Variants in RALGPS1 observed in about 807,000 individuals in gnomAD.
RALGPS1 encodes the protein ras-specific guanine nucleotide-releasing factor RalGPS1.
RALGPS1 carries 19 observed loss-of-function variants against 78.8 expected under a neutral mutation model. That is an observed-to-expected ratio of 0.24 (90% CI 0.17 to 0.35). The LOEUF (loss-of-function observed/expected upper bound fraction) is 0.35. Ranked by LOEUF, RALGPS1 falls within the 10% of genes least tolerant of loss-of-function variation. The pLI is 1.00. For synonymous variants in RALGPS1, 228 were observed against 256.3 expected (o/e 0.89, Z 1.06); for missense variants, 454 against 688.3 (o/e 0.66, Z 3.81).
At chr9:127,139,669 C>T (rs2138602806) in intron 8 of RALGPS1, among the ~76,000 whole-genome samples, 1 of 152,332 alleles carries the variant, frequency 6.6e-6, no homozygotes, top group Middle Eastern at 3.4e-3. Flanking sequence ...GCCCTCATCC[C>T]AGTCACCACC....
chr9:127,034,798 T>C (rs1026010553), intron 5 of RALGPS1, among the ~76,000 whole-genome samples: 3 of 152,206 alleles, frequency 2.0e-5, no homozygotes, highest in Non-Finnish European at 4.4e-5. Flanking sequence ...AGGTTCAGCA[T>C]GGTGGATCTC....
chr9:127,002,434 TTTTTTTTTTTTTTC>T (rs1463536271), intron 4 of RALGPS1, among the ~76,000 whole-genome samples: 1 of 9,472 alleles, frequency 1.1e-4, no homozygotes, highest in Non-Finnish European at 2.2e-4. Flanking sequence ...ACAAACATTC[TTTTTTTTTTTTTTC>T]TTTTTTTTTT....
intron 7 of RALGPS1, among the ~76,000 whole-genome samples, chr9:127,053,395 C>T (rs1589228144): frequency 6.6e-6 from 1 of 152,144 alleles, no homozygotes; most frequent in East Asian, 1.9e-4. Flanking sequence ...TTTCCTAAGG[C>T]CCTGGATAAT....
At chr9:127,180,544 A>C (rs1225576449) in intron 11 of RALGPS1, among the ~76,000 whole-genome samples, 1 of 152,242 alleles carries the variant, frequency 6.6e-6, no homozygotes. Context: ...ATCTTCATAC[A>C]GACATACTTC....
chr9:127,100,758 T>C (rs1038555127), intron 8 of RALGPS1, among the ~76,000 whole-genome samples: 2 of 152,206 alleles, frequency 1.3e-5, no homozygotes, highest in Non-Finnish European at 2.9e-5. Context: ...TCCACAGATA[T>C]GGACAGGTAG....
chr9:127,222,339 G>A lies in RALGPS1; in HGVS notation c.*3570G>A, dbSNP rs938885380. The A allele has an allele frequency of 2.6e-5, 4 of 152,216 alleles. No homozygotes were observed. Among genetic ancestry groups the A allele is most frequent in the African/African-American group, 4.8e-5 (2 of 41,438 alleles). 9.4% of individuals were successfully genotyped at this position (152,216 alleles called of 1,614,324 possible). A position where few individuals can be genotyped will look rare whatever the true frequency, so the allele number is the denominator to read the frequency against. On this transcript the variant is annotated 3_prime_UTR_variant, in exon 19 of 19. Transcript: ENST00000259351. Reference sequence around the variant, plus strand: ...AAAATTCAGTTGCAATGAGGATGAAGTCACTATCCTAGAGGCTGCTTGGCC... The same window carrying A: ...AAAATTCAGTTGCAATGAGGATGAAATCACTATCCTAGAGGCTGCTTGGCC...
intron 4 of RALGPS1, among the ~76,000 whole-genome samples, chr9:126,993,643 G>A (rs556998550): frequency 1.1e-3 from 172 of 152,178 alleles, no homozygotes; most frequent in Non-Finnish European, 1.9e-3. Context: ...CAGAAGATGG[G>A]TGATTTCTGC....
chr9:127,059,305 A>C (rs2049003423), intron 7 of RALGPS1, among the ~76,000 whole-genome samples: 1 of 152,176 alleles, frequency 6.6e-6, no homozygotes, highest in Middle Eastern at 3.4e-3. Flanking sequence ...GAGTCAGATG[A>C]GGCGATAAGG....
At chr9:127,142,433 A>C (rs894959323) in intron 8 of RALGPS1, among the ~76,000 whole-genome samples, 1 of 152,162 alleles carries the variant, frequency 6.6e-6, no homozygotes, top group Non-Finnish European at 1.5e-5. Context: ...TGTTTGGATG[A>C]AGAGGACTCT....
At chr9:127,045,923 G>A (rs12003853) in intron 5 of RALGPS1, among the ~76,000 whole-genome samples, 2,141 of 152,156 alleles carry the variant, frequency 0.014, 62 homozygotes, top group African/African-American at 0.049. Context: ...AGGAACCAGC[G>A]TTCCTTGGAG....
intron 8 of RALGPS1, among the ~76,000 whole-genome samples, chr9:127,164,234 C>CTTATTA (rs752743336): frequency 6.6e-6 from 1 of 151,790 alleles, no homozygotes; most frequent in South Asian, 2.1e-4. Flanking sequence ...GAAAACCAAG[C>CTTATTA]TTGTTATTAT....
At chr9:127,007,026 A>G (rs571051994) in intron 4 of RALGPS1, among the ~76,000 whole-genome samples, 3 of 152,306 alleles carry the variant, frequency 2.0e-5, no homozygotes, top group South Asian at 2.1e-4. Flanking sequence ...ATTGTGTACA[A>G]CATTTCTCAT....
chr9:126,977,660 C>T (rs765396497), intron 3 of RALGPS1, 35 bp from the exon 4 acceptor site: 2 of 1,412,292 alleles, frequency 1.4e-6, no homozygotes, highest in Non-Finnish European at 2.0e-6. Flanking sequence ...CTTTGATGTA[C>T]AGTATTTTCT....
In RALGPS1 at chr9:127,188,832, T is replaced by TTAAAAAAAAAAAAAAAAAAAAA. The variant is rs756481918; in HGVS notation, c.911-6259_911-6258insTAAAAAAAAAAAAAAAAAAAAA. ...AAAGACTAAGAAACCCCATCTCTAC[T>TTAAAAAAAAAAAAAAAAAAAAA]AAAAAAAAAAAAAAAAATGTAGCCA... On this transcript the variant is annotated intron_variant, in intron 11 of 18. Transcript: ENST00000259351. Among the ~76,000 whole-genome samples the TTAAAAAAAAAAAAAAAAAAAAA allele has an allele frequency of 3.0e-3, 265 of 87,404 alleles. 43 individuals are homozygous for TTAAAAAAAAAAAAAAAAAAAAA. The highest frequency in any genetic ancestry group is 9.8e-3 in the South Asian group (18 of 1,840). The allele number at this position is 87,404 out of a possible 152,430, so 57.3% of individuals were successfully genotyped here.
chr9:127,108,163 G>A (rs758959493), intron 8 of RALGPS1: 1 of 1,614,112 alleles, frequency 6.2e-7, no homozygotes, highest in South Asian at 1.1e-5. Context: ...TTGGTTGTGG[G>A]CCAGTGTGGC....
chr9:127,096,004 G>T (rs2053088340), intron 8 of RALGPS1, among the ~76,000 whole-genome samples: 1 of 152,118 alleles, frequency 6.6e-6, no homozygotes, highest in African/African-American at 2.4e-5. Context: ...TCATCTTCTG[G>T]GGAGGAAGGA....
chr9:127,210,686 C>T (rs1373949682), intron 14 of RALGPS1: 5 of 1,548,480 alleles, frequency 3.2e-6, no homozygotes. Flanking sequence ...TAACCCTTTT[C>T]CTCTGAAGCA....
intron 5 of RALGPS1, among the ~76,000 whole-genome samples, chr9:127,036,564 G>C (rs2134746127): frequency 6.6e-6 from 1 of 152,356 alleles, no homozygotes; most frequent in South Asian, 2.1e-4. Context: ...GAAATGTGAA[G>C]ATCAGCTGAT....
intron 8 of RALGPS1, among the ~76,000 whole-genome samples, chr9:127,104,734 C>T (rs2054053120): frequency 6.6e-6 from 1 of 152,202 alleles, no homozygotes. Flanking sequence ...TGGGGAAGGG[C>T]ATGCTGTGGG....
Sources: gnomAD v4.1 joint callset for allele counts (sites outside exome capture counted in the v4.1 genomes callset) on GRCh38, gnomAD v4.1.1 for gene constraint, MANE v1.5 for transcripts, NCBI Gene and HGNC (gene_info 2026-07-23, HGNC 2026-07-21) for gene names.